Variants in PTPRD observed in about 807,000 individuals in gnomAD.
PTPRD encodes protein tyrosine phosphatase receptor type D.
PTPRD carries 34 observed loss-of-function variants against 214.5 expected under a neutral mutation model. The ratio of observed to expected loss-of-function variants is 0.16; its 90% CI spans 0.12 to 0.21. The LOEUF (loss-of-function observed/expected upper bound fraction) is 0.21. PTPRD is among the 10% of genes least tolerant of loss of function. The pLI, the probability that PTPRD is intolerant of heterozygous loss-of-function variation, is 1.00. For synonymous variants in PTPRD, 1,128 were observed against 845.7 expected, an observed-to-expected ratio of 1.33 and a Z score of -5.79; for missense variants, 2,545 against 2,398.7, an observed-to-expected ratio of 1.06 and a Z score of -1.27.
intron 3 of PTPRD, among the ~76,000 whole-genome samples, chr9:10,036,347 T>C (rs757317210): frequency 3.5e-4 from 53 of 152,068 alleles, no homozygotes; most frequent in Non-Finnish European, 6.6e-4. Flanking sequence ...TGTATTTCCC[T>C]GTTAAGCCTG....
At chr9:10,576,495 T>A (rs1233403438) in intron 2 of PTPRD, among the ~76,000 whole-genome samples, 1 of 152,128 alleles carries the variant, frequency 6.6e-6, no homozygotes, top group Admixed American at 6.6e-5. Context: ...CTGACTGTTA[T>A]TGCAAAAACA....
intron 3 of PTPRD, among the ~76,000 whole-genome samples, chr9:10,048,388 A>C (rs2097447929): frequency 6.6e-6 from 1 of 152,120 alleles, no homozygotes; most frequent in South Asian, 2.1e-4. Context: ...TTTCATGGTG[A>C]CCTTCAACTT....
At chr9:9,677,878 A>T (rs575475328) in intron 7 of PTPRD, among the ~76,000 whole-genome samples, 16 of 152,262 alleles carry the variant, frequency 1.1e-4, no homozygotes, top group Non-Finnish European at 8.8e-5. Flanking sequence ...AAGTCTCAGG[A>T]TACAAAATCA....
chr9:8,768,134 T>A (rs1461486736), intron 11 of PTPRD, among the ~76,000 whole-genome samples: 1 of 152,172 alleles, frequency 6.6e-6, no homozygotes, highest in African/African-American at 2.4e-5. Flanking sequence ...ATAGCTCACA[T>A]CTATAATACC....
In PTPRD at chr9:8,342,190, T is replaced by A. The variant is rs183401934; in HGVS notation, c.4662-212A>T. 7.2e-5 allele frequency among the ~76,000 whole-genome samples: 11 copies of A among 152,172 alleles called. No individual in the cohort carries two copies. In the East Asian group the frequency reaches 1.9e-3, roughly 27 times the overall value. On this transcript the variant is annotated intron_variant, in intron 39 of 45. Coordinates refer to ENST00000381196, the MANE Select transcript of PTPRD (RefSeq NM_002839.4). The stretch of plus-strand genomic sequence containing the variant: ...GGAACAAAAGACTGAGTAAAATTAG[T>A]TTAGTTTTAAAATGTAAAAAATATT...
At chr9:9,993,540 C>T (rs973862238) in intron 4 of PTPRD, among the ~76,000 whole-genome samples, 2 of 151,916 alleles carry the variant, frequency 1.3e-5, no homozygotes, top group African/African-American at 4.8e-5. Context: ...TTGAGGATGC[C>T]AAAGTAGGAA....
intron 11 of PTPRD, among the ~76,000 whole-genome samples, chr9:8,929,701 A>G (rs1271391996): frequency 1.4e-5 from 2 of 145,496 alleles, no homozygotes; most frequent in South Asian, 2.1e-4. Flanking sequence ...GTATATATAT[A>G]TGTGTATATA....
At chr9:10,486,205 T>C (rs1441935408) in intron 2 of PTPRD, among the ~76,000 whole-genome samples, 1 of 152,206 alleles carries the variant, frequency 6.6e-6, no homozygotes, top group Admixed American at 6.5e-5. Context: ...CATTTGTCAA[T>C]GTTGGCTTTT....
At chr9:10,364,417 C>T (rs769924037) in intron 2 of PTPRD, among the ~76,000 whole-genome samples, 11 of 152,106 alleles carry the variant, frequency 7.2e-5, no homozygotes, top group Non-Finnish European at 1.0e-4. Context: ...CATCTGTACT[C>T]TAACAGCCCT....
At chr9:9,075,938 G>C (rs954375602) in intron 10 of PTPRD, among the ~76,000 whole-genome samples, 4 of 152,144 alleles carry the variant, frequency 2.6e-5, no homozygotes, top group Admixed American at 2.0e-4. Flanking sequence ...TAATGGGATG[G>C]CTGGGTCAAA....
At chr9:8,613,466 T>A (rs184917395) in intron 14 of PTPRD, among the ~76,000 whole-genome samples, 3 of 152,288 alleles carry the variant, frequency 2.0e-5, no homozygotes, top group Admixed American at 6.5e-5. Context: ...TTATTTTTTT[T>A]AAAACTAAAA....
At chr9:10,586,138 A>C (rs987442958) in intron 2 of PTPRD, among the ~76,000 whole-genome samples, 1 of 152,026 alleles carries the variant, frequency 6.6e-6, no homozygotes, top group Admixed American at 6.6e-5. Flanking sequence ...GCATTCAAAA[A>C]TTTTTCTGAG....
intron 11 of PTPRD, among the ~76,000 whole-genome samples, chr9:8,866,350 C>A (rs1319533811): frequency 6.6e-6 from 1 of 152,088 alleles, no homozygotes; most frequent in African/African-American, 2.4e-5. Flanking sequence ...CCACCAAAAG[C>A]CCATCTTTCT....
At chr9:9,846,984 A>T (rs532852474) in intron 5 of PTPRD, among the ~76,000 whole-genome samples, 3 of 152,172 alleles carry the variant, frequency 2.0e-5, no homozygotes, top group Non-Finnish European at 2.9e-5. Context: ...TAAAATATAT[A>T]TTTTTTTGAG....
chr9:9,454,219 C>T (rs1406467494), intron 8 of PTPRD, among the ~76,000 whole-genome samples: 1 of 151,646 alleles, frequency 6.6e-6, no homozygotes, highest in Non-Finnish European at 1.5e-5. Flanking sequence ...TAAAAGCTGG[C>T]TTTCTGGGGA....
intron 9 of PTPRD, among the ~76,000 whole-genome samples, chr9:9,198,662 G>A (rs905087777): frequency 6.6e-6 from 1 of 152,154 alleles, no homozygotes; most frequent in South Asian, 2.1e-4. Flanking sequence ...AAACTTAGGA[G>A]TTAGTTTTAA....
chr9:8,932,522 A>G (rs2098960123), intron 11 of PTPRD, among the ~76,000 whole-genome samples: 1 of 152,178 alleles, frequency 6.6e-6, no homozygotes, highest in South Asian at 2.1e-4. Flanking sequence ...AGTTTGATCC[A>G]TAAGTCCCTG....
chr9:8,753,623 T>C (rs896083844), intron 11 of PTPRD, among the ~76,000 whole-genome samples: 8 of 151,892 alleles, frequency 5.3e-5, no homozygotes, highest in African/African-American at 1.7e-4. Context: ...AATAAATAAA[T>C]GAATTTTGCA....
intron 11 of PTPRD, among the ~76,000 whole-genome samples, chr9:8,859,197 A>G (rs1407902086): frequency 6.6e-6 from 1 of 152,192 alleles, no homozygotes; most frequent in Admixed American, 6.5e-5. Context: ...TTTTGCTTTC[A>G]TGCCACTTGC....
Sources: allele counts gnomAD v4.1 joint callset (sites outside exome capture counted in the v4.1 genomes callset), GRCh38; gene constraint gnomAD v4.1.1; transcripts MANE v1.5; gene names NCBI Gene and HGNC (gene_info 2026-07-23, HGNC 2026-07-21).